The following MZT1 variants were observed in gnomAD, a reference collection of about 807,000 sequenced individuals.
The protein encoded by MZT1 is mitotic spindle organizing protein 1.
Under a neutral mutation model 8.5 loss-of-function variants are expected in MZT1, and 8 were observed. The observed-to-expected ratio is 0.94, with a 90% CI of 0.55 to 1.70. The LOEUF (loss-of-function observed/expected upper bound fraction) is 1.70. MZT1 is among the 40% of genes most tolerant of loss of function. The pLI is 0.00. For missense variants in MZT1, 93 were observed against 108.6 expected, an observed-to-expected ratio of 0.86 and a Z score of 0.64; for synonymous variants, 38 against 42.0, an observed-to-expected ratio of 0.90 and a Z score of 0.37.
intron 2 of MZT1, among the ~76,000 whole-genome samples, chr13:72,712,053 T>C (rs1403315871): frequency 3.3e-5 from 5 of 152,244 alleles, no homozygotes; most frequent in African/African-American, 1.2e-4. Flanking sequence ...ATTTTTTGTA[T>C]TTTCTGAATT....
chr13:72,724,752 A>ATATATATATATATATGTGTG lies in MZT1; in HGVS notation c.79+2771_79+2772insCACACATATATATATATATA, dbSNP rs1180726488. Among the ~76,000 whole-genome samples, 23 of 56,880 alleles carry ATATATATATATATATGTGTG rather than the reference A, an allele frequency of 4.0e-4. 7 individuals carry two copies. Among genetic ancestry groups the ATATATATATATATATGTGTG allele is most frequent in the Non-Finnish European group, 7.8e-4 (21 of 26,830 alleles). The allele number at this position is 56,880 out of a possible 152,430, so 37.3% of individuals were successfully genotyped here. A position where few individuals can be genotyped will look rare whatever the true frequency, so the allele number is the denominator to read the frequency against. On this transcript the variant is annotated intron_variant, in intron 1 of 2. Coordinates refer to ENST00000377818, the MANE Select transcript of MZT1 (RefSeq NM_001071775.3). ...TATATATATATATACACATATATAT[A>ATATATATATATATATGTGTG]TGTAAAGTGGTGCTACAGGCCGGGC...
In MZT1 at chr13:72,727,598, G is replaced by A. The variant is rs767396491; in HGVS notation, c.5C>T (p.Ala2Val). 10 of 1,598,936 alleles carry A rather than the reference G, an allele frequency of 6.3e-6. No homozygotes were observed. In the Admixed American group the frequency reaches 8.6e-5, roughly 14 times the overall value. The change falls in exon 1 of 3, where the codon GCG (alanine) becomes GTG (valine). Residue 2 changes from alanine to valine, a missense_variant. Coordinates refer to ENST00000377818, the MANE Select transcript of MZT1 (RefSeq NM_001071775.3). M[A>V]SSSGAGAAAA... ...CGCCGCCCCAGCACCGCTGCTACTCGCCATGGCTAAGGCCGAGGGAGGCGG... is the reference window on the plus strand; with the variant it reads ...CGCCGCCCCAGCACCGCTGCTACTCACCATGGCTAAGGCCGAGGGAGGCGG...
rs1448515789 is a variant in MZT1 at position 72,709,863 on chromosome 13, C to T, written c.*459G>A. The T allele has an allele frequency of 6.6e-6, 1 of 152,576 alleles. No individual in the cohort carries two copies. Among genetic ancestry groups the T allele is most frequent in the Non-Finnish European group, 1.5e-5 (1 of 68,418 alleles). The allele number at this position is 152,576 out of a possible 1,614,324, so 9.5% of individuals were successfully genotyped here. A position where few individuals can be genotyped will look rare whatever the true frequency, so the allele number is the denominator to read the frequency against. ...TGGCTGAAATCCTGTCAACTTTCAG[C>T]CCAATACAATATAAATCCACAGTTA... On this transcript the variant is annotated 3_prime_UTR_variant, in exon 3 of 3. Transcript: ENST00000377818.
chr13:72,727,543 C>A lies in MZT1; in HGVS notation c.60G>T (p.Ala20=), dbSNP rs772540987. The stretch of plus-strand genomic sequence containing the variant: ...ACTCACCGTCCATGGTCTCCCGCAC[C>A]GCATTCAGATTCGCCGCCGCGGCCG... ...AAAAAAANLN[A]VRETMDVLLE... The change falls in exon 1 of 3, where the codon GCG becomes GCT. Residue 20 remains alanine (A), a synonymous_variant. Coordinates refer to ENST00000377818, the MANE Select transcript of MZT1 (RefSeq NM_001071775.3). 1 of 1,613,150 alleles carries A rather than the reference C, an allele frequency of 6.2e-7. No homozygotes were observed. The highest frequency in any genetic ancestry group is 8.5e-7 in the Non-Finnish European group (1 of 1,179,656).
intron 1 of MZT1, among the ~76,000 whole-genome samples, chr13:72,723,319 A>C (rs1404045236): frequency 6.6e-6 from 1 of 152,236 alleles, no homozygotes; most frequent in East Asian, 1.9e-4. Context: ...AATCGCCTGT[A>C]ATCAAAAACT....
At chr13:72,717,053 A>C (rs1001942189) in intron 2 of MZT1, among the ~76,000 whole-genome samples, 5 of 152,064 alleles carry the variant, frequency 3.3e-5, no homozygotes, top group Admixed American at 6.5e-5. Flanking sequence ...TCACATACCT[A>C]ATGTCTTCAC....
intron 1 of MZT1, among the ~76,000 whole-genome samples, chr13:72,725,670 G>A (rs754939649): frequency 5.9e-5 from 9 of 151,918 alleles, no homozygotes; most frequent in Admixed American, 1.3e-4. Context: ...TTCACACCAA[G>A]TTTTCTCAGA....
intron 1 of MZT1, among the ~76,000 whole-genome samples, chr13:72,721,581 C>T (rs2032594313): frequency 6.6e-6 from 1 of 152,180 alleles, no homozygotes; most frequent in Non-Finnish European, 1.5e-5. Context: ...CCTTGGTCTC[C>T]CAGGTCTTCT....
intron 1 of MZT1, among the ~76,000 whole-genome samples, chr13:72,725,278 T>C (rs1173363878): frequency 6.6e-6 from 1 of 152,066 alleles, no homozygotes; most frequent in East Asian, 1.9e-4. Context: ...ATTTTAAGCG[T>C]GTAGAATTTT....
intron 2 of MZT1, among the ~76,000 whole-genome samples, chr13:72,716,224 T>C (rs1487808139): frequency 1.3e-5 from 2 of 152,124 alleles, no homozygotes; most frequent in Non-Finnish European, 2.9e-5. Context: ...CAGGTATTTC[T>C]TTATATCAAT....
intron 1 of MZT1, among the ~76,000 whole-genome samples, chr13:72,723,666 A>G (rs1034482015): frequency 6.6e-6 from 1 of 152,244 alleles, no homozygotes; most frequent in African/African-American, 2.4e-5. Context: ...TCTGAAATCC[A>G]AAACATGGTC....
chr13:72,711,984 T>C (rs1047611483), intron 2 of MZT1, among the ~76,000 whole-genome samples: 2 of 152,250 alleles, frequency 1.3e-5, no homozygotes, highest in Non-Finnish European at 2.9e-5. Context: ...TCTGGAATGA[T>C]GTTCACCAAA....
At chr13:72,718,725 C>G (rs9573018) in intron 2 of MZT1, among the ~76,000 whole-genome samples, 48,881 of 151,806 alleles carry the variant, frequency 0.32, 8,913 homozygotes, top group East Asian at 0.5. Flanking sequence ...ATGATCCGCC[C>G]AACTCAGCCT....
At chr13:72,720,085 C>T (rs2032577977) in intron 1 of MZT1, among the ~76,000 whole-genome samples, 1 of 152,160 alleles carries the variant, frequency 6.6e-6, no homozygotes, top group East Asian at 1.9e-4. Context: ...TTTCCCAAAA[C>T]CCCCCATAAG....
At chr13:72,710,406 T>A in intron 2 of MZT1, 61 bp from the exon 3 acceptor site, 33 of 1,533,910 alleles carry the variant, frequency 2.2e-5, no homozygotes, top group Non-Finnish European at 3.0e-5. Flanking sequence ...ATCATGAAGA[T>A]AAATTTGTCA....
At position 72,708,985 on chromosome 13, in the gene MZT1, T is replaced by TA. The variant is rs1346637310; in HGVS notation, c.*1336dup. The TA allele has an allele frequency of 3.3e-5, 5 of 152,128 alleles. No individual in the cohort carries two copies. The South Asian group carries it at 8.3e-4, about 25-fold the overall frequency. 9.4% of individuals were successfully genotyped at this position (152,128 alleles called of 1,614,324 possible). On this transcript the variant is annotated 3_prime_UTR_variant, in exon 3 of 3. Transcript: ENST00000377818. ...ATAAAATCTAAAATTTAAGAAATAA[T>TA]AAAATCAGATGAAATCCATATTAGT... is the stretch of plus-strand genomic sequence containing the variant.
chr13:72,724,983 T>C (rs913684348), intron 1 of MZT1, among the ~76,000 whole-genome samples: 36 of 149,242 alleles, frequency 2.4e-4, no homozygotes, highest in Non-Finnish European at 4.7e-4. Flanking sequence ...CATCCCCAGC[T>C]TCAACCTGGG....
At chr13:72,722,987 T>TACA (rs897075533) in intron 1 of MZT1, among the ~76,000 whole-genome samples, 2 of 152,210 alleles carry the variant, frequency 1.3e-5, no homozygotes, top group Admixed American at 1.3e-4. Context: ...TCTAAGTGGT[T>TACA]ACCATCAGTA....
At chr13:72,720,626 C>T (rs750988499) in intron 1 of MZT1, among the ~76,000 whole-genome samples, 4 of 152,188 alleles carry the variant, frequency 2.6e-5, no homozygotes, top group Non-Finnish European at 4.4e-5. Flanking sequence ...CAGTGGCTCA[C>T]GCCTGTAATC....
Sources: gnomAD v4.1 joint callset for allele counts (sites outside exome capture counted in the v4.1 genomes callset) on GRCh38, gnomAD v4.1.1 for gene constraint, MANE v1.5 for transcripts, NCBI Gene and HGNC (gene_info 2026-07-23, HGNC 2026-07-21) for gene names.